STKLD1: variants seen among roughly 807,000 people sequenced by gnomAD.
STKLD1 encodes the protein serine/threonine kinase-like domain-containing protein STKLD1.
In STKLD1, 79 loss-of-function variants were observed where a neutral mutation model predicts 80.4. That is an observed-to-expected ratio of 0.98 (90% CI 0.82 to 1.19). The LOEUF is 1.19. Among genes scored for constraint, STKLD1 ranks in the 50% most tolerant of loss-of-function variants. STKLD1 has a pLI of 0.00. For synonymous variants in STKLD1, 393 were observed against 357.6 expected (o/e 1.10, Z -1.12); for missense variants, 841 against 856.0 (o/e 0.98, Z 0.22).
At chr9:133,382,886 G>C (rs1838173288) in intron 2 of STKLD1, among the ~76,000 whole-genome samples, 1 of 144,376 alleles carries the variant, frequency 6.9e-6, no homozygotes, top group African/African-American at 2.7e-5. Flanking sequence ...TGGTGGTAAT[G>C]ATGGTGATGA....
At chr9:133,387,295 G>T in intron 4 of STKLD1, 152 bp from the exon 5 acceptor site, 2 of 603,570 alleles carry the variant, frequency 3.3e-6, no homozygotes, top group Non-Finnish European at 6.0e-6. Context: ...AGCTGAAGGT[G>T]GGGCAGGAGG....
chr9:133,402,612 C>A (rs587657427), intron 13 of STKLD1, among the ~76,000 whole-genome samples: 1 of 152,356 alleles, frequency 6.6e-6, no homozygotes. Context: ...CAGGGTCAGG[C>A]CCCCTGGATG....
chr9:133,403,617 A>G, intron 14 of STKLD1, 83 bp from the exon 15 acceptor site: 7 of 1,522,344 alleles, frequency 4.6e-6, no homozygotes, highest in Non-Finnish European at 6.2e-6. Flanking sequence ...TAGCTGGAGG[A>G]AGGCAGCAGA....
Position 133,390,841 on chromosome 9 carries a change from A to G in STKLD1, c.583+45A>G. 1 of 1,519,404 alleles carries G rather than the reference A, an allele frequency of 6.6e-7. No homozygotes were observed. Among genetic ancestry groups the G allele is most frequent in the Non-Finnish European group, 9.1e-7 (1 of 1,094,932 alleles). 94.1% of individuals were successfully genotyped at this position (1,519,404 alleles called of 1,614,324 possible). A position where few individuals can be genotyped will look rare whatever the true frequency, so the allele number is the denominator to read the frequency against. ...GTTGTGGGAGAGGGGGTTGGCGCCT[A>G]GAATCCAGGCGGCGTTGGCCACTCT... is the stretch of plus-strand genomic sequence containing the variant. On this transcript the variant is annotated intron_variant, in intron 7 of 17. Transcript: ENST00000371957. The surrounding 1 kb of genome is among the most constrained non-coding windows in gnomAD (Gnocchi z 5.1).
rs2130247795 is a variant in STKLD1 at position 133,376,448 on chromosome 9, T to C, written c.-26T>C. 490 of 1,554,958 alleles carry C rather than the reference T, an allele frequency of 3.2e-4. 2 individuals carry two copies. The African/African-American group carries it at 6.2e-3, about 20-fold the overall frequency. ...GCGGGGTGGGGCCAGGGGTGGACGC[T>C]CGCCCGTACGCGGTCGCTACTGATC... On this transcript the variant is annotated 5_prime_UTR_variant, in exon 1 of 18. Transcript: ENST00000371957.
chr9:133,397,924 G>C, intron 10 of STKLD1, 48 bp from the exon 11 acceptor site: 1 of 1,528,936 alleles, frequency 6.5e-7, no homozygotes, highest in Non-Finnish European at 9.0e-7. Context: ...AGAGCCCCGA[G>C]GCCCTGGTCC....
intron 5 of STKLD1, among the ~76,000 whole-genome samples, chr9:133,388,034 G>T (rs1838302764): frequency 6.6e-6 from 1 of 152,186 alleles, no homozygotes; most frequent in Non-Finnish European, 1.5e-5. Context: ...TGGGGCTATT[G>T]TGAATAAGGC....
In STKLD1 at chr9:133,384,554, A is replaced by G. The variant is rs1379933045; in HGVS notation, c.219+654A>G. ...ACAGCAGAAAATTTTAAAAATACAG[A>G]ATTGGGTTTTCTTTTGTTTTTACCT... is the stretch of plus-strand genomic sequence containing the variant. On this transcript the variant is annotated intron_variant, in intron 3 of 17. Coordinates refer to ENST00000371957, the MANE Select transcript of STKLD1 (RefSeq NM_153710.5). The surrounding 1 kb of genome is among the most constrained non-coding windows in gnomAD (Gnocchi z 4.3). The G allele has an allele frequency of 1.3e-5, 2 of 151,944 alleles. No individual in the cohort carries two copies. The highest frequency in any genetic ancestry group is 4.8e-5 in the African/African-American group (2 of 41,366). The allele number at this position is 151,944 out of a possible 1,614,324, so 9.4% of individuals were successfully genotyped here.
chr9:133,392,193 C>T (rs1838415393), intron 7 of STKLD1, among the ~76,000 whole-genome samples: 1 of 151,844 alleles, frequency 6.6e-6, no homozygotes, highest in African/African-American at 2.4e-5. Flanking sequence ...TCTCCTGCCT[C>T]AGCCTCCCGA....
Position 133,382,077 on chromosome 9 carries a change from G to A in STKLD1, c.175-1779G>A, listed in dbSNP as rs2130267425. Among the ~76,000 whole-genome samples the A allele has an allele frequency of 8.7e-4, 133 of 152,226 alleles. 1 individual carries two copies. Among genetic ancestry groups the A allele is most frequent in the Middle Eastern group, 3.4e-3 (1 of 294 alleles). ...AAGCGTGCTGCAGACTCAAAGCTCCGTGCTGCCCTTGCCACCACCCTTCCC... is the reference window on the plus strand; with the variant it reads ...AAGCGTGCTGCAGACTCAAAGCTCCATGCTGCCCTTGCCACCACCCTTCCC... On this transcript the variant is annotated intron_variant, in intron 2 of 17. Coordinates refer to ENST00000371957, the MANE Select transcript of STKLD1 (RefSeq NM_153710.5).
intron 16 of STKLD1, among the ~76,000 whole-genome samples, chr9:133,404,477 G>A (rs1838791319): frequency 6.6e-6 from 1 of 152,188 alleles, no homozygotes; most frequent in Non-Finnish European, 1.5e-5. Flanking sequence ...AGAGCATCCT[G>A]GGCCTGGCCA....
At chr9:133,382,905 ATGG>A (rs1231648313) in intron 2 of STKLD1, among the ~76,000 whole-genome samples, 3 of 138,554 alleles carry the variant, frequency 2.2e-5, no homozygotes, top group African/African-American at 5.8e-5. Flanking sequence ...GATGTTGGTG[ATGG>A]TGGTGATGAT....
At chr9:133,397,123 G>T in intron 9 of STKLD1, 41 bp from the exon 10 acceptor site, 2 of 1,610,950 alleles carry the variant, frequency 1.2e-6, no homozygotes, top group East Asian at 2.2e-5. Context: ...GGTGGCAGGG[G>T]GCGCTGCTGG....
At chr9:133,402,579 G>C (rs990110609) in intron 13 of STKLD1, among the ~76,000 whole-genome samples, 3 of 152,258 alleles carry the variant, frequency 2.0e-5, no homozygotes, top group Non-Finnish European at 4.4e-5. Flanking sequence ...GAAGGCACAG[G>C]CTGGCTCTGT....
rs2130286585 is a variant in STKLD1 at position 133,390,437 on chromosome 9, A to AT, written c.468-239dup. 7.9e-5 allele frequency among the ~76,000 whole-genome samples: 12 copies of AT among 152,244 alleles called. No individual in the cohort carries two copies. The highest frequency in any genetic ancestry group is 2.9e-4 in the African/African-American group (12 of 41,544). On this transcript the variant is annotated intron_variant, in intron 6 of 17. Transcript: ENST00000371957. This position sits in a 1 kb window ranked among gnomAD's most constrained non-coding sequence, Gnocchi z 5.1. ...GGTGTGTTCCTACTTGTGGTTGAGG[A>AT]TTTTTCCCCCGATTTAAAATAATTG...
intron 2 of STKLD1, among the ~76,000 whole-genome samples, chr9:133,379,840 T>C (rs2130261831): frequency 6.6e-6 from 1 of 152,322 alleles, no homozygotes; most frequent in East Asian, 1.9e-4. Flanking sequence ...GGGCTGGCCA[T>C]ACAGCGGGAG....
chr9:133,387,141 G>C (rs1381192144), intron 4 of STKLD1, among the ~76,000 whole-genome samples: 1 of 152,212 alleles, frequency 6.6e-6, no homozygotes, highest in Admixed American at 6.5e-5. Flanking sequence ...CCCTATGAAG[G>C]GGGTGGGTAG....
At position 133,385,224 on chromosome 9, in the gene STKLD1, G is replaced by A. The variant is rs1026368737; in HGVS notation, c.220-393G>A. ...TTCAAAGCACTTTCCGCCAGGGCAG[G>A]GGCACCGGGACCTCTCCGTGTGCCC... On this transcript the variant is annotated intron_variant, in intron 3 of 17. Transcript: ENST00000371957. This position sits in a 1 kb window ranked among gnomAD's most constrained non-coding sequence, Gnocchi z 4.9. Among the ~76,000 whole-genome samples the A allele has an allele frequency of 1.3e-5, 2 of 152,158 alleles. No individual in the cohort carries two copies. The highest frequency in any genetic ancestry group is 2.1e-4 in the South Asian group (1 of 4,830).
chr9:133,399,895 G>A (rs182484656), intron 11 of STKLD1, among the ~76,000 whole-genome samples: 9 of 134,430 alleles, frequency 6.7e-5, no homozygotes, highest in African/African-American at 2.8e-4. Flanking sequence ...AAAAAAAAAA[G>A]AGGGGGGGGT....
Sources: allele counts gnomAD v4.1 joint callset (sites outside exome capture counted in the v4.1 genomes callset), GRCh38; gene constraint gnomAD v4.1.1; non-coding constraint Gnocchi (gnomAD v3.1); transcripts MANE v1.5; gene names NCBI Gene and HGNC (gene_info 2026-07-23, HGNC 2026-07-21).